The following TRPM8 variants were observed in gnomAD, a reference collection of about 807,000 sequenced individuals.
TRPM8 encodes the protein TRPM8 cationic channel.
Under a neutral mutation model 133.7 loss-of-function variants are expected in TRPM8, and 110 were observed. That is an observed-to-expected ratio of 0.82 (90% CI 0.70 to 0.96). TRPM8 has a LOEUF of 0.96. TRPM8 is among the 40% of genes least tolerant of loss of function. TRPM8 has a pLI of 0.00. For synonymous variants in TRPM8, 535 were observed against 532.3 expected (o/e 1.01, Z -0.07); for missense variants, 1,291 against 1,379.5 (o/e 0.94, Z 1.02).
Position 233,996,353 on chromosome 2 carries a change from C to T in TRPM8, c.2967C>T (p.Asn989=), listed in dbSNP as rs144448753. The change falls in exon 22 of 26, where the codon AAC becomes AAT. Residue 989 remains asparagine (N), a synonymous_variant. Coordinates refer to ENST00000324695, the MANE Select transcript of TRPM8 (RefSeq NM_024080.5). The part of the protein sequence containing the change: ...FGYTVGTVQE[N]NDQVWKFQRY... ...ACACGGTGGGCACCGTCCAGGAGAA[C>T]AATGACCAGGTCTGGAAGTTCCAGA... The T allele has an allele frequency of 1.2e-6, 2 of 1,614,150 alleles. No individual in the cohort carries two copies. The highest frequency in any genetic ancestry group is 1.7e-6 in the Non-Finnish European group (2 of 1,180,042).
chr2:233,970,898 A>G (rs978298862), intron 17 of TRPM8, among the ~76,000 whole-genome samples: 8 of 152,130 alleles, frequency 5.3e-5, no homozygotes, highest in African/African-American at 1.9e-4. Context: ...TGAATTATTC[A>G]TGGTGCTTTT....
chr2:234,004,733 A>G lies in TRPM8; in HGVS notation c.3131-2120A>G, dbSNP rs559273194. On this transcript the variant is annotated intron_variant, in intron 22 of 25. Coordinates refer to ENST00000324695, the MANE Select transcript of TRPM8 (RefSeq NM_024080.5). ...GGACATTTGAAAAATATAGAAAAGCACAAATAAAGATGAAGAGCACATGTA... is the reference window on the plus strand; with the variant it reads ...GGACATTTGAAAAATATAGAAAAGCGCAAATAAAGATGAAGAGCACATGTA... 8.5e-5 allele frequency among the ~76,000 whole-genome samples: 13 copies of G among 152,244 alleles called. 1 individual carries two copies. Among genetic ancestry groups the G allele is most frequent in the Admixed American group, 3.3e-4 (5 of 15,284 alleles).
intron 4 of TRPM8, among the ~76,000 whole-genome samples, chr2:233,938,408 T>C (rs1252880461): frequency 6.6e-6 from 1 of 152,210 alleles, no homozygotes; most frequent in African/African-American, 2.4e-5. Flanking sequence ...AAGTTTATCT[T>C]GCCAAGGTTG....
chr2:234,015,649 C>G (rs770801589), intron 25 of TRPM8, among the ~76,000 whole-genome samples: 35 of 152,126 alleles, frequency 2.3e-4, no homozygotes, highest in Admixed American at 5.2e-4. Flanking sequence ...TGGGTTCTGA[C>G]AGTTATAGCT....
rs200582935 is a variant in TRPM8 at position 233,970,271 on chromosome 2, C to T, written c.2200C>T (p.Pro734Ser). 1.1e-5 allele frequency: 17 copies of T among 1,614,064 alleles called. No homozygotes were observed. The highest frequency in any genetic ancestry group is 5.3e-5 in the African/African-American group (4 of 74,918). ...LWYYVAFFTSPFVVFSWNVVF... is the reference protein window; with the variant it reads ...LWYYVAFFTSSFVVFSWNVVF... The stretch of plus-strand genomic sequence containing the variant: ...GTACTATGTGGCGTTCTTCACCTCC[C>T]CCTTCGTGGTCTTCTCCTGGAATGT... The change falls in exon 17 of 26, where the codon CCC (proline) becomes TCC (serine). Residue 734 changes from proline to serine, a missense_variant. Transcript: ENST00000324695.
intron 24 of TRPM8, among the ~76,000 whole-genome samples, chr2:234,008,863 T>C (rs917442017): frequency 6.6e-6 from 1 of 152,236 alleles, no homozygotes; most frequent in East Asian, 1.9e-4. Flanking sequence ...AGCTCTCATA[T>C]AAGAATTTAT....
At chr2:233,978,208 T>TGTGTGTGC (rs1234191881) in intron 17 of TRPM8, among the ~76,000 whole-genome samples, 2 of 149,096 alleles carry the variant, frequency 1.3e-5, no homozygotes, top group Non-Finnish European at 3.0e-5. Context: ...AGTGTGTGTG[T>TGTGTGTGC]GTGTGTGTGT....
chr2:233,973,119 C>A (rs776173192), intron 17 of TRPM8, among the ~76,000 whole-genome samples: 22 of 152,218 alleles, frequency 1.4e-4, no homozygotes, highest in Non-Finnish European at 2.9e-4. Context: ...CAGGACGGGG[C>A]CCTGCTATGT....
At chr2:233,971,791 G>A (rs528981414) in intron 17 of TRPM8, among the ~76,000 whole-genome samples, 56 of 152,248 alleles carry the variant, frequency 3.7e-4, no homozygotes, top group African/African-American at 1.3e-3. Flanking sequence ...ATGAGCAGTA[G>A]CAAGATTTAT....
At chr2:233,956,446 C>A (rs987289993) in intron 11 of TRPM8, among the ~76,000 whole-genome samples, 2 of 152,174 alleles carry the variant, frequency 1.3e-5, no homozygotes, top group Non-Finnish European at 2.9e-5. Context: ...CCCTAGGAGC[C>A]TTGTTCAATG....
At chr2:233,945,692 T>G (rs144798737) in intron 6 of TRPM8, among the ~76,000 whole-genome samples, 164 bp from the exon 7 acceptor site, 11 of 152,252 alleles carry the variant, frequency 7.2e-5, no homozygotes, top group Non-Finnish European at 1.0e-4. Context: ...TAAAAGGAAG[T>G]CTGTACTATA....
In TRPM8 at chr2:233,970,280, G is replaced by A. The variant is rs779488832; in HGVS notation, c.2209G>A (p.Val737Ile). 1.2e-6 allele frequency: 2 copies of A among 1,614,142 alleles called. No individual in the cohort carries two copies. Among genetic ancestry groups the A allele is most frequent in the Non-Finnish European group, 1.7e-6 (2 of 1,180,020 alleles). ...GGCGTTCTTCACCTCCCCCTTCGTGGTCTTCTCCTGGAATGTGGTCTTCTA... is the reference window on the plus strand; with the variant it reads ...GGCGTTCTTCACCTCCCCCTTCGTGATCTTCTCCTGGAATGTGGTCTTCTA... ...YVAFFTSPFV[V>I]FSWNVVFYIA... The change falls in exon 17 of 26, where the codon GTC becomes ATC. Residue 737 changes from valine (V) to isoleucine (I), a missense_variant. Coordinates refer to ENST00000324695, the MANE Select transcript of TRPM8 (RefSeq NM_024080.5).
intron 22 of TRPM8, among the ~76,000 whole-genome samples, chr2:234,001,562 T>C (rs1281789371): frequency 6.6e-6 from 1 of 152,202 alleles, no homozygotes; most frequent in Non-Finnish European, 1.5e-5. Context: ...CACACCACAC[T>C]ACCCACAGAT....
At chr2:234,006,732 C>G (rs1414463626) in intron 22 of TRPM8, 121 bp from the exon 23 acceptor site, 1 of 661,814 alleles carries the variant, frequency 1.5e-6, no homozygotes, top group Admixed American at 2.5e-5. Context: ...TCAAACCAGC[C>G]TGTGCAGGAC....
At chr2:233,960,449 G>C (rs1292946503) in intron 11 of TRPM8, among the ~76,000 whole-genome samples, 2 of 152,024 alleles carry the variant, frequency 1.3e-5, no homozygotes, top group African/African-American at 4.8e-5. Context: ...TCTCATACTG[G>C]GGAAAATTTT....
chr2:233,990,001 A>C (rs1159580252), intron 21 of TRPM8, among the ~76,000 whole-genome samples: 3 of 152,264 alleles, frequency 2.0e-5, no homozygotes, highest in Admixed American at 2.0e-4. Context: ...TCTTAGGAGT[A>C]ATATAAACAT....
chr2:233,979,682 C>T (rs1307299364), intron 17 of TRPM8, among the ~76,000 whole-genome samples: 1 of 152,238 alleles, frequency 6.6e-6, no homozygotes, highest in Non-Finnish European at 1.5e-5. Flanking sequence ...CATCTGTCCT[C>T]ACAGAAGTTA....
chr2:233,947,877 G>A (rs1005682461), intron 8 of TRPM8, among the ~76,000 whole-genome samples: 3 of 152,012 alleles, frequency 2.0e-5, no homozygotes, highest in Admixed American at 6.6e-5. Flanking sequence ...TATGTCACAG[G>A]GGTTTTGCAT....
chr2:233,972,723 C>G (rs114567889), intron 17 of TRPM8, among the ~76,000 whole-genome samples: 1,549 of 152,332 alleles, frequency 0.01, 23 homozygotes, highest in African/African-American at 0.036. Flanking sequence ...TGCTAAACCT[C>G]TCATTGCCCG....
Sources: allele counts gnomAD v4.1 joint callset (sites outside exome capture counted in the v4.1 genomes callset), GRCh38; gene constraint gnomAD v4.1.1; transcripts MANE v1.5; gene names NCBI Gene and HGNC (gene_info 2026-07-23, HGNC 2026-07-21).